Variants in FAM200B observed in about 807,000 individuals in gnomAD.
FAM200B encodes protein FAM200B.
Under a neutral mutation model 33.1 loss-of-function variants are expected in FAM200B, and 32 were observed. The ratio of observed to expected loss-of-function variants is 0.97; its 90% CI spans 0.73 to 1.30. FAM200B has a LOEUF of 1.30. FAM200B is among the 50% of genes most tolerant of loss of function. The pLI is 0.00. For synonymous variants in FAM200B, 240 were observed against 264.8 expected (o/e 0.91, Z 0.91); for missense variants, 741 against 754.0 (o/e 0.98, Z 0.20).
In FAM200B at chr4:15,687,000, GAA is replaced by G. The variant is rs761188059; in HGVS notation, c.25_26del (p.Lys9GlufsTer3). ...AAAATGGATCATTTCTTTATTAAAA[GAA>G]AGAGGAATAGTGAAGTGAAATATAC... is the stretch of plus-strand genomic sequence containing the variant. On this transcript the variant is annotated frameshift_variant, in exon 2 of 2. Coordinates refer to ENST00000422728, the MANE Select transcript of FAM200B (RefSeq NM_001145191.2). LOFTEE classifies it high-confidence loss of function. 8.2e-5 allele frequency: 115 copies of G among 1,407,182 alleles called. No individual in the cohort carries two copies. Among genetic ancestry groups the G allele is most frequent in the Non-Finnish European group, 1.0e-4 (107 of 1,062,930 alleles). 87.2% of individuals were successfully genotyped at this position (1,407,182 alleles called of 1,614,324 possible). A position where few individuals can be genotyped will look rare whatever the true frequency, so the allele number is the denominator to read the frequency against.
chr4:15,653,418 CT>C, the FAM200B span, among the ~76,000 whole-genome samples: 1 of 152,132 alleles, frequency 6.6e-6, no homozygotes, highest in Non-Finnish European at 1.5e-5. Flanking sequence ...TAAAATAAGG[CT>C]GCTTAGCCTT....
At chr4:15,669,968 G>A in the FAM200B span, among the ~76,000 whole-genome samples, 22 of 152,182 alleles carry the variant, frequency 1.4e-4, no homozygotes, top group African/African-American at 4.8e-4. Context: ...TGCAACATAT[G>A]GAAAAGGACA....
chr4:15,640,498 G>A, the FAM200B span, among the ~76,000 whole-genome samples: 1 of 151,338 alleles, frequency 6.6e-6, no homozygotes, highest in Non-Finnish European at 1.5e-5. Flanking sequence ...AGACATTAGG[G>A]TAGCATAAGT....
chr4:15,641,795 G>A, the FAM200B span, among the ~76,000 whole-genome samples: 1 of 152,124 alleles, frequency 6.6e-6, no homozygotes, highest in Non-Finnish European at 1.5e-5. Flanking sequence ...GGGACGCAGA[G>A]GCAGGCGGAT....
At chr4:15,667,433 A>G in the FAM200B span, among the ~76,000 whole-genome samples, 2 of 152,174 alleles carry the variant, frequency 1.3e-5, no homozygotes, top group African/African-American at 4.8e-5. Context: ...TTTCATCCAA[A>G]TGAGACTAAG....
At chr4:15,682,751 G>C (rs757209043) in intron 1 of FAM200B, among the ~76,000 whole-genome samples, 66 of 152,326 alleles carry the variant, frequency 4.3e-4, no homozygotes, top group Admixed American at 1.3e-3. Flanking sequence ...TGTAGCATTT[G>C]AACTAAGTAG....
chr4:15,676,260 A>G, the FAM200B span, among the ~76,000 whole-genome samples: 66 of 152,340 alleles, frequency 4.3e-4, 1 homozygote, highest in African/African-American at 1.6e-3. Context: ...ACTACCGCAT[A>G]AAAAGCATAA....
the FAM200B span, among the ~76,000 whole-genome samples, chr4:15,675,330 G>A: frequency 6.6e-6 from 1 of 152,114 alleles, no homozygotes; most frequent in Admixed American, 6.5e-5. Flanking sequence ...AAAATGAGGT[G>A]AATAAGTACC....
At chr4:15,643,869 G>A in the FAM200B span, among the ~76,000 whole-genome samples, 15 of 152,046 alleles carry the variant, frequency 9.9e-5, no homozygotes, top group Non-Finnish European at 1.9e-4. Flanking sequence ...TTAAAACTTC[G>A]ACTTACAAAA....
chr4:15,657,096 G>A, the FAM200B span, among the ~76,000 whole-genome samples: 4 of 152,056 alleles, frequency 2.6e-5, no homozygotes, highest in South Asian at 2.1e-4. Context: ...CTTTCACCCC[G>A]TTTCTCGTTC....
the FAM200B span, among the ~76,000 whole-genome samples, chr4:15,656,568 C>G: frequency 6.6e-6 from 1 of 152,062 alleles, no homozygotes; most frequent in African/African-American, 2.4e-5. Flanking sequence ...TGGAATGCAC[C>G]CTATTTAGTT....
the FAM200B span, among the ~76,000 whole-genome samples, chr4:15,670,024 G>T: frequency 6.6e-6 from 1 of 152,172 alleles, no homozygotes; most frequent in Non-Finnish European, 1.5e-5. Flanking sequence ...CTACTGTATT[G>T]TTATATCTCA....
chr4:15,685,425 T>C (rs1718746446), intron 1 of FAM200B, among the ~76,000 whole-genome samples: 1 of 152,060 alleles, frequency 6.6e-6, no homozygotes, highest in Non-Finnish European at 1.5e-5. Flanking sequence ...AATTGGCTAG[T>C]TGAAATAATT....
At chr4:15,664,651 G>A in the FAM200B span, among the ~76,000 whole-genome samples, 40 of 140,086 alleles carry the variant, frequency 2.9e-4, no homozygotes, top group Admixed American at 1.6e-4. Flanking sequence ...TCTGCCTCCC[G>A]GGTTCAAGCA....
chr4:15,669,357 T>TA, the FAM200B span, among the ~76,000 whole-genome samples: 1 of 152,148 alleles, frequency 6.6e-6, no homozygotes, highest in Non-Finnish European at 1.5e-5. Flanking sequence ...AGAGTAAAAA[T>TA]ACAGTATTAC....
the FAM200B span, among the ~76,000 whole-genome samples, chr4:15,674,637 C>T: frequency 3.3e-5 from 5 of 151,074 alleles, 1 homozygote; most frequent in South Asian, 6.2e-4. Flanking sequence ...AGATTATCAA[C>T]GTTATGGGAT....
At chr4:15,644,452 G>T in the FAM200B span, 2 of 1,524,684 alleles carry the variant, frequency 1.3e-6, no homozygotes, top group Non-Finnish European at 1.8e-6. Context: ...CCAGAAGATG[G>T]CACAAGTTTT....
At chr4:15,641,602 TA>T in the FAM200B span, 1 of 458,198 alleles carries the variant, frequency 2.2e-6, no homozygotes, top group Admixed American at 2.4e-5. Flanking sequence ...ATGTTATTGG[TA>T]AGGCTTCCAG....
At chr4:15,660,663 T>C in the FAM200B span, among the ~76,000 whole-genome samples, 1 of 152,184 alleles carries the variant, frequency 6.6e-6, no homozygotes, top group Non-Finnish European at 1.5e-5. Flanking sequence ...TGGGACACTT[T>C]TGAGTGATAA....
Sources: allele counts gnomAD v4.1 joint callset (sites outside exome capture counted in the v4.1 genomes callset), GRCh38; gene constraint gnomAD v4.1.1; transcripts MANE v1.5; gene names NCBI Gene and HGNC (gene_info 2026-07-23, HGNC 2026-07-21).